Variants in ATG13 observed in about 807,000 individuals in gnomAD.
ATG13 encodes autophagy-related protein 13.
A neutral mutation model predicts 65.5 loss-of-function variants in ATG13; 23 were observed. The ratio of observed to expected loss-of-function variants is 0.35; its 90% confidence interval spans 0.25 to 0.50. The LOEUF is 0.50. Ranked by LOEUF, ATG13 falls within the 20% of genes least tolerant of loss-of-function variation. The pLI is 0.98. For missense variants in ATG13, 566 were observed against 677.0 expected, an observed-to-expected ratio of 0.84 and a Z score of 1.82; for synonymous variants, 252 against 245.2, an observed-to-expected ratio of 1.03 and a Z score of -0.26.
At chr11:46,656,695 C>T (rs941064522) in intron 8 of ATG13, among the ~76,000 whole-genome samples, 19 of 152,198 alleles carry the variant, frequency 1.2e-4, no homozygotes, top group Admixed American at 9.2e-4. Flanking sequence ...ACTTCTTAAA[C>T]TGAAGTGTTT....
rs771046584 is a variant in ATG13 at position 46,669,484 on chromosome 11, G to A, written c.1527G>A (p.Leu509=). 53 of 1,614,026 alleles carry A rather than the reference G, an allele frequency of 3.3e-5. No homozygotes were observed. The highest frequency in any genetic ancestry group is 8.5e-7 in the Non-Finnish European group (1 of 1,180,030). The change falls in exon 18 of 19, where the codon CTG becomes CTA. Residue 509 remains leucine (L), a synonymous_variant. Transcript: ENST00000683050. ...FYREFQNPPQ[L]SSLSIDIGAQ... The stretch of plus-strand genomic sequence containing the variant: ...GGGAGTTTCAGAACCCACCTCAGCT[G>A]AGCAGCCTCTCCATAGATATTGGAG...
chr11:46,631,455 T>C (rs952975778), intron 2 of ATG13, among the ~76,000 whole-genome samples: 2 of 152,242 alleles, frequency 1.3e-5, no homozygotes, highest in Non-Finnish European at 2.9e-5. Context: ...TTCATTATTA[T>C]CTTTTGCACT....
chr11:46,669,384 ACT>A lies in ATG13; in HGVS notation c.1447-17_1447-16del, dbSNP rs754466524. On this transcript the variant is annotated intron_variant, in intron 17 of 18. Coordinates refer to ENST00000683050, the MANE Select transcript of ATG13 (RefSeq NM_001346311.2). ...CTGTGGTTCAAGGCAAGCTAAACTG[ACT>A]CTGTCTTGTTTTTGAAGAAACCAGC... 62 of 1,613,318 alleles carry A rather than the reference ACT, an allele frequency of 3.8e-5. No individual in the cohort carries two copies. The highest frequency in any genetic ancestry group is 1.2e-4 in the Admixed American group (7 of 59,984).
chr11:46,629,546 G>A (rs1164548600), intron 1 of ATG13, among the ~76,000 whole-genome samples: 3 of 151,870 alleles, frequency 2.0e-5, no homozygotes, highest in Middle Eastern at 3.4e-3. Flanking sequence ...CCAGGAGCCC[G>A]CCATCACGCC....
At chr11:46,658,214 C>T (rs180916176) in intron 10 of ATG13, among the ~76,000 whole-genome samples, 7 of 152,264 alleles carry the variant, frequency 4.6e-5, no homozygotes, top group Admixed American at 2.6e-4. Context: ...AAAATGTCTC[C>T]AGGTCTAGAA....
At chr11:46,621,578 T>C (rs2047513029) in intron 1 of ATG13, among the ~76,000 whole-genome samples, 1 of 152,162 alleles carries the variant, frequency 6.6e-6, no homozygotes, top group South Asian at 2.1e-4. Context: ...GGTAGTTTGA[T>C]TATGGATCTT....
intron 3 of ATG13, among the ~76,000 whole-genome samples, chr11:46,645,125 CTG>C (rs1348814971): frequency 6.6e-6 from 1 of 152,206 alleles, no homozygotes; most frequent in Non-Finnish European, 1.5e-5. Flanking sequence ...TTGGTTGACA[CTG>C]TACCCTCAGG....
At chr11:46,629,065 T>G (rs972420945) in intron 1 of ATG13, among the ~76,000 whole-genome samples, 2 of 151,814 alleles carry the variant, frequency 1.3e-5, no homozygotes, top group African/African-American at 4.8e-5. Flanking sequence ...ACCTTAGCCT[T>G]CCAAGCAGCT....
intron 11 of ATG13, among the ~76,000 whole-genome samples, chr11:46,663,265 CAAA>C (rs11422914): frequency 3.8e-5 from 3 of 78,390 alleles, no homozygotes; most frequent in Non-Finnish European, 6.9e-5. Flanking sequence ...GACTCCATCT[CAAA>C]AAAAAAAAAA....
At chr11:46,647,429 C>CAT (rs1388064373) in intron 5 of ATG13, among the ~76,000 whole-genome samples, 2 of 151,818 alleles carry the variant, frequency 1.3e-5, no homozygotes, top group African/African-American at 4.8e-5. Context: ...AGGTGCGTGC[C>CAT]ACCATGCCTG....
At chr11:46,654,393 T>G (rs145019292) in intron 7 of ATG13, among the ~76,000 whole-genome samples, 70 of 147,674 alleles carry the variant, frequency 4.7e-4, no homozygotes, top group African/African-American at 1.6e-3. Flanking sequence ...ATGCCTGTGA[T>G]CCCAGCACTT....
chr11:46,638,784 C>A (rs543154828), intron 2 of ATG13, among the ~76,000 whole-genome samples: 1 of 152,010 alleles, frequency 6.6e-6, no homozygotes, highest in South Asian at 2.1e-4. Flanking sequence ...TGGCTAATTT[C>A]CATGATATAT....
chr11:46,671,334 T>C (rs2063681232), intron 18 of ATG13, among the ~76,000 whole-genome samples: 1 of 152,244 alleles, frequency 6.6e-6, no homozygotes, highest in Non-Finnish European at 1.5e-5. Flanking sequence ...TTTTTATTAA[T>C]AGTTGATACT....
intron 5 of ATG13, among the ~76,000 whole-genome samples, chr11:46,647,327 G>A (rs1309544276): frequency 6.8e-6 from 1 of 147,246 alleles, no homozygotes; most frequent in Non-Finnish European, 1.5e-5. Flanking sequence ...GCGTAGGTTG[G>A]AGCGCAGTGG....
chr11:46,641,580 A>G (rs2056033462), intron 2 of ATG13, among the ~76,000 whole-genome samples: 1 of 152,208 alleles, frequency 6.6e-6, no homozygotes, highest in African/African-American at 2.4e-5. Context: ...GATATAAATC[A>G]GTAATTATTT....
rs55634094 is a variant in ATG13, at chr11:46,660,400, T to TC, written c.789+916dup. Among the ~76,000 whole-genome samples, 6 of 149,664 alleles carry TC rather than the reference T, an allele frequency of 4.0e-5. No individual in the cohort carries two copies. In the East Asian group the frequency reaches 9.8e-4, roughly 24 times the overall value. ...TGTTGTTGTTGGTTTTTTTTTTTTT[T>TC]CAATTTTTCTTTTTCCCTTTTTTTT... On this transcript the variant is annotated intron_variant, in intron 11 of 18. Transcript: ENST00000683050.
chr11:46,621,798 A>C (rs986873424), intron 1 of ATG13, among the ~76,000 whole-genome samples: 7 of 150,664 alleles, frequency 4.6e-5, no homozygotes, highest in Non-Finnish European at 8.9e-5. Flanking sequence ...ATATCTCCCA[A>C]CCCTATTCTT....
rs1453483220 is a variant in ATG13, at chr11:46,668,777, G to A, written c.1330-17G>A. The stretch of plus-strand genomic sequence containing the variant: ...GGGTCACAGCATCAGCCCTAATCCT[G>A]CCTTGCTATGAAACAGGTGAATCCT... On this transcript the variant is annotated splice_polypyrimidine_tract_variant and intron_variant, in intron 16 of 18. Coordinates refer to ENST00000683050, the MANE Select transcript of ATG13 (RefSeq NM_001346311.2). 2 of 1,594,764 alleles carry A rather than the reference G, an allele frequency of 1.3e-6. No individual in the cohort carries two copies. The highest frequency in any genetic ancestry group is 4.5e-5 in the East Asian group (2 of 44,816).
At chr11:46,633,939 T>G (rs1002662424) in intron 2 of ATG13, among the ~76,000 whole-genome samples, 7 of 152,220 alleles carry the variant, frequency 4.6e-5, no homozygotes, top group Admixed American at 2.0e-4. Flanking sequence ...AGCAATTTTT[T>G]AGTTTCCTAA....
Sources: allele counts gnomAD v4.1 joint callset (sites outside exome capture counted in the v4.1 genomes callset), GRCh38; gene constraint gnomAD v4.1.1; transcripts MANE v1.5; gene names NCBI Gene and HGNC (gene_info 2026-07-23, HGNC 2026-07-21).